The following BAZ1A variants were observed in gnomAD, a reference collection of about 807,000 sequenced individuals.
The protein encoded by BAZ1A is bromodomain adjacent to zinc finger domain 1A, also known as bromodomain adjacent to zinc finger domain protein 1A.
BAZ1A carries 50 observed loss-of-function variants against 185.2 expected under a neutral mutation model. The ratio of observed to expected loss-of-function variants is 0.27; its 90% confidence interval spans 0.22 to 0.34. BAZ1A has a LOEUF of 0.34. BAZ1A is among the 10% of genes least tolerant of loss of function. BAZ1A has a pLI of 1.00. For missense variants in BAZ1A, 1,356 were observed against 1,839.9 expected, an observed-to-expected ratio of 0.74 and a Z score of 4.81; for synonymous variants, 571 against 615.6, an observed-to-expected ratio of 0.93 and a Z score of 1.07.
chr14:34,822,667 A>G (rs924661756), intron 4 of BAZ1A, among the ~76,000 whole-genome samples: 8 of 152,174 alleles, frequency 5.3e-5, no homozygotes, highest in Admixed American at 2.6e-4. Flanking sequence ...CACTTTTCTC[A>G]TATCAAGGGT....
At position 34,777,409 on chromosome 14, in the gene BAZ1A, C is replaced by T. The variant is rs567343040; in HGVS notation, c.2237-894G>A. 1.6e-4 allele frequency among the ~76,000 whole-genome samples: 25 copies of T among 152,228 alleles called. No individual in the cohort carries two copies. In the East Asian group the frequency reaches 4.2e-3, roughly 26 times the overall value. Reference sequence around the variant, plus strand: ...CTGTAATCCCAGAACTTTGGGAGGCCGAGGTGGGCGGATCACCTGACATCA... The same window carrying T: ...CTGTAATCCCAGAACTTTGGGAGGCTGAGGTGGGCGGATCACCTGACATCA... On this transcript the variant is annotated intron_variant, in intron 17 of 26. Transcript: ENST00000360310.
At chr14:34,771,111 CCCA>C (rs1278731060) in intron 21 of BAZ1A, 1 of 167,528 alleles carries the variant, frequency 6.0e-6, no homozygotes, top group Non-Finnish European at 1.3e-5. Context: ...ATGTGATCCT[CCCA>C]CCCCAGCCTC....
chr14:34,785,858 C>T lies in BAZ1A; in HGVS notation c.1750G>A (p.Asp584Asn), dbSNP rs770908899. 1 of 1,614,092 alleles carries T rather than the reference C, an allele frequency of 6.2e-7. No individual in the cohort carries two copies. The highest frequency in any genetic ancestry group is 8.5e-7 in the Non-Finnish European group (1 of 1,180,034). Reference sequence around the variant, plus strand: ...CTCAAACGAAGCTCCATACAAGCATCATCTGTAGCATCAAATCCTCCTCGT... The same window carrying T: ...CTCAAACGAAGCTCCATACAAGCATTATCTGTAGCATCAAATCCTCCTCGT... ...QKRGGFDATDDACMELRLSNP... is the reference protein window; with the variant it reads ...QKRGGFDATDNACMELRLSNP... Residue 584 changes from aspartate to asparagine, a missense_variant, in exon 14 of 27, where the codon GAT becomes AAT. Physicochemically the swap from Asp to Asn is conservative, Grantham distance 23. Coordinates refer to ENST00000360310, the MANE Select transcript of BAZ1A (RefSeq NM_013448.3).
rs193251425 is a variant in BAZ1A at position 34,865,268 on chromosome 14, C to T, written c.114-2946G>A. On this transcript the variant is annotated intron_variant, in intron 2 of 26. Coordinates refer to ENST00000360310, the MANE Select transcript of BAZ1A (RefSeq NM_013448.3). ...GAAAAAAAATTTTTTTATATATATG[C>T]ATATGGTTATACATATGCAAAAGGG... Among the ~76,000 whole-genome samples, 54 of 152,200 alleles carry T rather than the reference C, an allele frequency of 3.5e-4. No homozygotes were observed. In the East Asian group the frequency reaches 0.01, roughly 28 times the overall value.
chr14:34,838,122 A>T (rs917431386), intron 3 of BAZ1A, among the ~76,000 whole-genome samples: 2 of 152,190 alleles, frequency 1.3e-5, no homozygotes, highest in Admixed American at 1.3e-4. Context: ...TACCAGCCCT[A>T]CACTACACAC....
chr14:34,841,877 T>C (rs2042420407), intron 3 of BAZ1A, among the ~76,000 whole-genome samples: 1 of 152,208 alleles, frequency 6.6e-6, no homozygotes, highest in Admixed American at 6.5e-5. Flanking sequence ...ACCATGGTTT[T>C]CAGAGAAGAT....
At position 34,875,247 on chromosome 14, in the gene BAZ1A, C is replaced by T; in HGVS notation, c.-168G>A. 1 of 454,266 alleles carries T rather than the reference C, an allele frequency of 2.2e-6. No individual in the cohort carries two copies. Among genetic ancestry groups the T allele is most frequent in the Non-Finnish European group, 4.4e-6 (1 of 226,188 alleles). The allele number at this position is 454,266 out of a possible 1,614,324, so 28.1% of individuals were successfully genotyped here. A position where few individuals can be genotyped will look rare whatever the true frequency, so the allele number is the denominator to read the frequency against. On this transcript the variant is annotated 5_prime_UTR_variant, in exon 1 of 27. Coordinates refer to ENST00000360310, the MANE Select transcript of BAZ1A (RefSeq NM_013448.3). ...CTCTCCGGCCCCGCCGCGCCCCTGG[C>T]TGCCGCTTCTCCCGCTGCCACTGCC... is the stretch of plus-strand genomic sequence containing the variant.
At chr14:34,844,875 A>T (rs1414029836) in intron 3 of BAZ1A, among the ~76,000 whole-genome samples, 2 of 152,152 alleles carry the variant, frequency 1.3e-5, no homozygotes, top group Non-Finnish European at 2.9e-5. Flanking sequence ...TGGTTAAAAC[A>T]TTTTAAATGG....
intron 4 of BAZ1A, among the ~76,000 whole-genome samples, chr14:34,818,482 A>G (rs1209943653): frequency 6.6e-6 from 1 of 152,348 alleles, no homozygotes; most frequent in East Asian, 1.9e-4. Context: ...CATTTTTTAA[A>G]TTACTAAACT....
intron 3 of BAZ1A, among the ~76,000 whole-genome samples, chr14:34,833,435 G>A (rs1416577481): frequency 1.3e-5 from 2 of 152,172 alleles, no homozygotes; most frequent in East Asian, 3.8e-4. Flanking sequence ...GGCTGAGACA[G>A]GAGAATCATT....
chr14:34,825,961 A>C, intron 4 of BAZ1A, 52 bp downstream of exon 4: 1 of 1,462,978 alleles, frequency 6.8e-7, no homozygotes, highest in Non-Finnish European at 9.1e-7. Context: ...TTTCAATGGA[A>C]TATCATTAGG....
chr14:34,767,875 T>C (rs1289924407), intron 21 of BAZ1A, among the ~76,000 whole-genome samples: 1 of 152,180 alleles, frequency 6.6e-6, no homozygotes, highest in African/African-American at 2.4e-5. Flanking sequence ...GATTTTTTAA[T>C]GCAAAGGTTG....
intron 3 of BAZ1A, among the ~76,000 whole-genome samples, chr14:34,830,774 T>G (rs2042230457): frequency 6.7e-6 from 1 of 149,448 alleles, no homozygotes; most frequent in Non-Finnish European, 1.5e-5. Context: ...AACTCCTTTT[T>G]TTTTTTTTTT....
At chr14:34,819,470 T>C (rs2042054977) in intron 4 of BAZ1A, among the ~76,000 whole-genome samples, 1 of 152,236 alleles carries the variant, frequency 6.6e-6, no homozygotes, top group East Asian at 1.9e-4. Flanking sequence ...ACTTTTCAGA[T>C]TGTATAATGT....
intron 24 of BAZ1A, among the ~76,000 whole-genome samples, chr14:34,761,300 C>G (rs1179589632): frequency 6.6e-6 from 1 of 151,986 alleles, no homozygotes; most frequent in East Asian, 1.9e-4. Flanking sequence ...AATAAAAAGA[C>G]AGCTGGTCAT....
chr14:34,785,300 G>A (rs1880368830), intron 14 of BAZ1A, among the ~76,000 whole-genome samples: 1 of 152,172 alleles, frequency 6.6e-6, no homozygotes, highest in Non-Finnish European at 1.5e-5. Context: ...GACTGCAAAT[G>A]TTAGGAAGTA....
chr14:34,842,969 A>G (rs963961845), intron 3 of BAZ1A, among the ~76,000 whole-genome samples: 23 of 141,598 alleles, frequency 1.6e-4, no homozygotes, highest in South Asian at 4.4e-4. Context: ...AATTTACGGG[A>G]AAAAAAAAAG....
At chr14:34,856,824 C>T (rs1176863408) in intron 3 of BAZ1A, among the ~76,000 whole-genome samples, 1 of 137,388 alleles carries the variant, frequency 7.3e-6, no homozygotes, top group African/African-American at 2.7e-5. Flanking sequence ...CGTCACTGCA[C>T]TCTAGCCTGG....
At chr14:34,757,916 T>C (rs1305498896) in intron 25 of BAZ1A, among the ~76,000 whole-genome samples, 1 of 150,802 alleles carries the variant, frequency 6.6e-6, no homozygotes, top group Non-Finnish European at 1.5e-5. Context: ...CTGGCTAATT[T>C]TTTTGTATTT....
Sources: gnomAD v4.1 joint callset for allele counts (sites outside exome capture counted in the v4.1 genomes callset) on GRCh38, gnomAD v4.1.1 for gene constraint, MANE v1.5 for transcripts, NCBI Gene and HGNC (gene_info 2026-07-23, HGNC 2026-07-21) for gene names.